STAU2: variants seen among roughly 807,000 people sequenced by gnomAD.
STAU2 encodes the protein staufen double-stranded RNA binding protein 2, also known as double-stranded RNA-binding protein Staufen homolog 2.
In STAU2, 20 loss-of-function variants were observed where a neutral mutation model predicts 65.9. The ratio of observed to expected loss-of-function variants is 0.30; its 90% CI spans 0.21 to 0.44. STAU2 has a LOEUF of 0.44. STAU2 is among the 20% of genes least tolerant of loss of function. STAU2 has a pLI of 1.00. For synonymous variants in STAU2, 232 were observed against 233.9 expected, an observed-to-expected ratio of 0.99 and a Z score of 0.07; for missense variants, 558 against 683.9, an observed-to-expected ratio of 0.82 and a Z score of 2.05.
intron 13 of STAU2, among the ~76,000 whole-genome samples, chr8:73,461,161 T>C (rs1819331322): frequency 6.6e-6 from 1 of 152,182 alleles, no homozygotes; most frequent in Non-Finnish European, 1.5e-5. Flanking sequence ...TAAGTCTCAG[T>C]TTCTTCAATG....
intron 6 of STAU2, among the ~76,000 whole-genome samples, chr8:73,638,078 T>C (rs1164569993): frequency 6.6e-6 from 1 of 151,978 alleles, no homozygotes; most frequent in Non-Finnish European, 1.5e-5. Flanking sequence ...TACATATACA[T>C]ATACATATCC....
chr8:73,475,778 G>GTA (rs1820293434), intron 13 of STAU2, among the ~76,000 whole-genome samples: 1 of 152,122 alleles, frequency 6.6e-6, no homozygotes. Context: ...AATGATATGC[G>GTA]TATGGCCATG....
At chr8:73,503,588 A>G (rs1821882226) in intron 13 of STAU2, among the ~76,000 whole-genome samples, 1 of 151,354 alleles carries the variant, frequency 6.6e-6, no homozygotes. Flanking sequence ...ACATAGGGAT[A>G]CTAAATGTTT....
intron 13 of STAU2, among the ~76,000 whole-genome samples, chr8:73,447,569 TGATA>T (rs1818542803): frequency 6.6e-6 from 1 of 152,262 alleles, no homozygotes; most frequent in Admixed American, 6.5e-5. Context: ...TATATGATTT[TGATA>T]GATAATGTCA....
chr8:73,603,882 A>G lies in STAU2; in HGVS notation c.892-19T>C. ...GTCCGGCCTAAAAATTAATTTAAGA[A>G]AAAGTTTTAAAATATGCTTGTGAAA... On this transcript the variant is annotated intron_variant, in intron 9 of 14. Coordinates refer to ENST00000524300, the MANE Select transcript of STAU2 (RefSeq NM_001164380.2). 1.3e-6 allele frequency: 2 copies of G among 1,574,996 alleles called. No homozygotes were observed. The highest frequency in any genetic ancestry group is 4.0e-5 in the Admixed American group (2 of 50,460).
intron 13 of STAU2, chr8:73,527,749 G>C: frequency 6.5e-7 from 1 of 1,536,702 alleles, no homozygotes; most frequent in Non-Finnish European, 8.7e-7. Context: ...CTGCACAGGG[G>C]CTAATGTCAG....
intron 13 of STAU2, among the ~76,000 whole-genome samples, chr8:73,492,201 A>T (rs1354959625): frequency 1.3e-5 from 2 of 151,928 alleles, no homozygotes; most frequent in Non-Finnish European, 2.9e-5. Context: ...TGGCATTGTA[A>T]ACTATGCCAT....
chr8:73,746,068 C>T (rs1047928385), intron 1 of STAU2, among the ~76,000 whole-genome samples: 9 of 152,240 alleles, frequency 5.9e-5, no homozygotes, highest in African/African-American at 1.9e-4. Flanking sequence ...GCCAACTACC[C>T]CTTTAAGCCG....
intron 13 of STAU2, among the ~76,000 whole-genome samples, chr8:73,545,250 T>C (rs1806821050): frequency 6.6e-6 from 1 of 152,234 alleles, no homozygotes; most frequent in Non-Finnish European, 1.5e-5. Context: ...TGTTCCATTT[T>C]AGGACTTGAT....
intron 13 of STAU2, among the ~76,000 whole-genome samples, chr8:73,534,307 T>C (rs1034842492): frequency 6.6e-6 from 1 of 152,308 alleles, no homozygotes; most frequent in African/African-American, 2.4e-5. Context: ...TTGTACAAAG[T>C]TGTACAAATA....
In STAU2 at chr8:73,429,454, G is replaced by T. The variant is rs540869168; in HGVS notation, c.1531-6752C>A. Among the ~76,000 whole-genome samples, 7 of 61,932 alleles carry T rather than the reference G, an allele frequency of 1.1e-4. No individual in the cohort carries two copies. In the South Asian group the frequency reaches 5.5e-3, roughly 49 times the overall value. The allele number at this position is 61,932 out of a possible 152,430, so 40.6% of individuals were successfully genotyped here. ...TTTTTTTTTTTTTTTTTTTTTTGAG[G>T]CAAAGTCTCACTCTGTTGCTCACGC... On this transcript the variant is annotated intron_variant, in intron 13 of 14. Transcript: ENST00000524300.
chr8:73,649,973 A>G (rs1815737202), intron 6 of STAU2, among the ~76,000 whole-genome samples: 1 of 148,880 alleles, frequency 6.7e-6, no homozygotes, highest in Admixed American at 6.7e-5. Context: ...TTAGCAACTG[A>G]CAAAAACACA....
intron 13 of STAU2, among the ~76,000 whole-genome samples, chr8:73,462,911 A>G (rs1416493978): frequency 6.6e-6 from 1 of 152,298 alleles, no homozygotes; most frequent in Non-Finnish European, 1.5e-5. Flanking sequence ...GGTGTAGCCA[A>G]TGATGGTGAA....
In STAU2 at chr8:73,679,978, ATTTTTTTTTT is replaced by A. The variant is rs1160379353; in HGVS notation, c.275-6746_275-6737del. Among the ~76,000 whole-genome samples the A allele has an allele frequency of 2.1e-4, 17 of 81,370 alleles. No homozygotes were observed. The Admixed American group carries it at 3.0e-3, about 14-fold the overall frequency. 53.4% of individuals were successfully genotyped at this position (81,370 alleles called of 152,430 possible). On this transcript the variant is annotated intron_variant, in intron 5 of 14. Coordinates refer to ENST00000524300, the MANE Select transcript of STAU2 (RefSeq NM_001164380.2). Reference sequence around the variant, plus strand: ...GACACTCCCAGTCCCTAGGGAAGCCATTTTTTTTTTTTTTTTTTTTTTTTTTACTTTCATC... The same window carrying A: ...GACACTCCCAGTCCCTAGGGAAGCCATTTTTTTTTTTTTTTTACTTTCATC...
At chr8:73,458,309 T>A (rs1223789575) in intron 13 of STAU2, among the ~76,000 whole-genome samples, 2 of 152,246 alleles carry the variant, frequency 1.3e-5, no homozygotes, top group Non-Finnish European at 2.9e-5. Context: ...TCCACTTTGA[T>A]CCCTGTTCAG....
intron 5 of STAU2, among the ~76,000 whole-genome samples, chr8:73,680,764 TAA>T (rs1195757795): frequency 1.3e-5 from 2 of 151,344 alleles, no homozygotes; most frequent in South Asian, 2.1e-4. Context: ...GAATCATAAA[TAA>T]AAAAGAGTCA....
intron 13 of STAU2, among the ~76,000 whole-genome samples, chr8:73,424,490 T>C (rs1206689602): frequency 1.3e-5 from 2 of 152,068 alleles, no homozygotes; most frequent in Admixed American, 1.3e-4. Context: ...TGTGAGCCAC[T>C]GCACCCGGCC....
At chr8:73,456,198 G>A (rs535018995) in intron 13 of STAU2, among the ~76,000 whole-genome samples, 27 of 152,202 alleles carry the variant, frequency 1.8e-4, no homozygotes, top group African/African-American at 6.3e-4. Flanking sequence ...AAAGTCAAAC[G>A]GAATAAATAA....
chr8:73,697,333 A>G (rs976641350), intron 4 of STAU2: 1 of 152,244 alleles, frequency 6.6e-6, no homozygotes, highest in Non-Finnish European at 1.5e-5. Context: ...TGGTGAAAAT[A>G]TCCTTTAATT....
Sources: gnomAD v4.1 joint callset for allele counts (sites outside exome capture counted in the v4.1 genomes callset) on GRCh38, gnomAD v4.1.1 for gene constraint, MANE v1.5 for transcripts, NCBI Gene and HGNC (gene_info 2026-07-23, HGNC 2026-07-21) for gene names.